Variants in USP26 observed in about 807,000 individuals in gnomAD.
The protein encoded by USP26 is ubiquitin carboxyl-terminal hydrolase 26.
For missense variants in USP26, 649 were observed against 642.3 expected, an observed-to-expected ratio of 1.01 and a Z score of -0.11; for synonymous variants, 236 against 240.6, an observed-to-expected ratio of 0.98 and a Z score of 0.18.
chrX:133,078,605 C>T (rs111259236), intron 5 of USP26, among the ~76,000 whole-genome samples: 3,385 of 112,063 alleles, frequency 0.03, 75 homozygotes, highest in East Asian at 0.1. Flanking sequence ...CATAATTGCA[C>T]TTAGGTAGAA....
chrX:133,054,811 C>T (rs1025048576), intron 5 of USP26, among the ~76,000 whole-genome samples: 1 of 112,336 alleles, frequency 8.9e-6, no homozygotes, highest in South Asian at 3.7e-4. Flanking sequence ...CCTATTACCC[C>T]ATAAGGCTAT....
chrX:133,057,867 T>TATATACATA (rs1491099712), intron 5 of USP26, among the ~76,000 whole-genome samples: 4 of 8,258 alleles, frequency 4.8e-4, no homozygotes, highest in African/African-American at 3.4e-3. Flanking sequence ...TATATATATA[T>TATATACATA]TTTTTTTTTT....
chrX:133,071,053 T>C (rs940374046), intron 5 of USP26, among the ~76,000 whole-genome samples: 2 of 109,999 alleles, frequency 1.8e-5, no homozygotes, highest in Admixed American at 1.9e-4. Flanking sequence ...GCCATCTCTA[T>C]TAAAAATACA....
intron 5 of USP26, among the ~76,000 whole-genome samples, chrX:133,073,851 A>T (rs1042312355): frequency 2.7e-5 from 3 of 111,766 alleles, no homozygotes; most frequent in African/African-American, 9.8e-5. Context: ...TGATGCAGTT[A>T]TTAAACAGAG....
chrX:133,045,019 C>T (rs2067433762), intron 5 of USP26, among the ~76,000 whole-genome samples: 1 of 111,552 alleles, frequency 9.0e-6, no homozygotes, highest in African/African-American at 3.2e-5. Flanking sequence ...GTGAATACAC[C>T]AATCAGCACT....
intron 5 of USP26, among the ~76,000 whole-genome samples, chrX:133,042,879 T>A (rs966504042): frequency 9.0e-6 from 1 of 110,911 alleles, no homozygotes. Flanking sequence ...CTGGAACCAA[T>A]TTTGACAGTA....
chrX:133,041,857 TA>T (rs2148528359), intron 5 of USP26, among the ~76,000 whole-genome samples: 1 of 112,372 alleles, frequency 8.9e-6, no homozygotes, highest in South Asian at 3.7e-4. Flanking sequence ...ATGAGAGTTT[TA>T]TCTATAAGCC....
chrX:133,066,753 T>G (rs1270473283), intron 5 of USP26, among the ~76,000 whole-genome samples: 2 of 110,878 alleles, frequency 1.8e-5, no homozygotes, highest in African/African-American at 6.6e-5. Flanking sequence ...AATGTAAAAC[T>G]CAAAAACCAT....
intron 5 of USP26, among the ~76,000 whole-genome samples, chrX:133,072,575 A>G (rs1442493274): frequency 8.9e-6 from 1 of 112,474 alleles, no homozygotes; most frequent in Non-Finnish European, 1.9e-5. Flanking sequence ...TGAACATAAC[A>G]CTATTATTTC....
intron 5 of USP26, 100 bp from the exon 6 acceptor site, chrX:133,028,396 A>T: frequency 1.8e-6 from 1 of 543,411 alleles, no homozygotes; most frequent in Non-Finnish European, 3.0e-6. Context: ...CAGGTTCTAG[A>T]TATCCAGCTC....
chrX:133,059,083 A>C (rs1284527948), intron 5 of USP26, among the ~76,000 whole-genome samples: 1 of 111,297 alleles, frequency 9.0e-6, no homozygotes. Context: ...CAAAATGCTG[A>C]GATTACAGTG....
At chrX:133,070,233 A>G (rs1457834598) in intron 5 of USP26, among the ~76,000 whole-genome samples, 1 of 112,362 alleles carries the variant, frequency 8.9e-6, no homozygotes, top group Non-Finnish European at 1.9e-5. Flanking sequence ...GTTGATCTTT[A>G]TCAGAAACCC....
chrX:133,090,786 A>G (rs2067604583), intron 2 of USP26, 23 bp from the exon 3 acceptor site: 1 of 112,273 alleles, frequency 8.9e-6, no homozygotes, highest in Admixed American at 9.5e-5. Flanking sequence ...AAGAGAGAGC[A>G]TTTATTATAT....
chrX:133,090,278 TA>T (rs1338682271), intron 3 of USP26, 52 bp from the exon 4 acceptor site: 1 of 111,566 alleles, frequency 9.0e-6, no homozygotes, highest in Non-Finnish European at 1.9e-5. Context: ...AAATCAGGCT[TA>T]AACTGAGGTC....
At chrX:133,083,421 G>A (rs932262106) in intron 5 of USP26, among the ~76,000 whole-genome samples, 2 of 96,370 alleles carry the variant, frequency 2.1e-5, no homozygotes, top group Non-Finnish European at 4.1e-5. Flanking sequence ...CTGACCAGGC[G>A]TGTAGGGTGA....
At chrX:133,048,979 T>G (rs997226071) in intron 5 of USP26, among the ~76,000 whole-genome samples, 3 of 112,105 alleles carry the variant, frequency 2.7e-5, no homozygotes, top group Admixed American at 1.9e-4. Context: ...AAGAGACAAA[T>G]GGAGAGAAAA....
At chrX:133,064,183 C>CATT in intron 5 of USP26, among the ~76,000 whole-genome samples, 1 of 112,027 alleles carries the variant, frequency 8.9e-6, no homozygotes, top group Admixed American at 9.5e-5. Context: ...AGCTAACTAT[C>CATT]CTAAATATAC....
chrX:133,038,263 C>T (rs1025753710), intron 5 of USP26, among the ~76,000 whole-genome samples: 3 of 111,204 alleles, frequency 2.7e-5, no homozygotes, highest in African/African-American at 9.8e-5. Flanking sequence ...GGAATGTTTC[C>T]AGCTTTTGCC....
At chrX:133,092,140 G>A (rs1009712884) in intron 1 of USP26, among the ~76,000 whole-genome samples, 3 of 111,851 alleles carry the variant, frequency 2.7e-5, no homozygotes, top group African/African-American at 9.8e-5. Context: ...TAATCTTGTG[G>A]TTACAAGATC....
Sources: gnomAD v4.1 joint callset for allele counts (sites outside exome capture counted in the v4.1 genomes callset) on GRCh38, gnomAD v4.1.1 for gene constraint, MANE v1.5 for transcripts, NCBI Gene and HGNC (gene_info 2026-07-23, HGNC 2026-07-21) for gene names.